SLCO3A1: variants seen among roughly 807,000 people sequenced by gnomAD.
SLCO3A1 encodes the protein PGE1 transporter.
Under a neutral mutation model 63.1 loss-of-function variants are expected in SLCO3A1, and 27 were observed. That is an observed-to-expected ratio of 0.43 (90% CI 0.32 to 0.59). The LOEUF (loss-of-function observed/expected upper bound fraction) is 0.59. Among genes scored for constraint, SLCO3A1 ranks in the 20% least tolerant of loss-of-function variants. The pLI, the probability that SLCO3A1 is intolerant of heterozygous loss-of-function variation, is 0.09. For synonymous variants in SLCO3A1, 473 were observed against 409.9 expected (o/e 1.15, Z -1.86); for missense variants, 773 against 945.8 (o/e 0.82, Z 2.40).
chr15:92,070,775 T>C (rs1054762651), intron 2 of SLCO3A1, among the ~76,000 whole-genome samples: 1 of 152,034 alleles, frequency 6.6e-6, no homozygotes, highest in African/African-American at 2.4e-5. Flanking sequence ...TTGTGACTAG[T>C]GAGAGGTATC....
intron 9 of SLCO3A1, among the ~76,000 whole-genome samples, chr15:92,160,987 A>G (rs2048429930): frequency 6.6e-6 from 1 of 152,216 alleles, no homozygotes; most frequent in East Asian, 1.9e-4. Context: ...TTGCTGGGCT[A>G]TGGGTCTAGA....
chr15:92,141,128 A>G (rs1364982377), intron 7 of SLCO3A1, among the ~76,000 whole-genome samples: 1 of 152,122 alleles, frequency 6.6e-6, no homozygotes, highest in African/African-American at 2.4e-5. Flanking sequence ...CATTTTATTG[A>G]CAGTAAAGCT....
In SLCO3A1 at chr15:92,045,597, T is replaced by G. The variant is rs140209095; in HGVS notation, c.647-49284T>G. On this transcript the variant is annotated intron_variant, in intron 2 of 9. Coordinates refer to ENST00000318445, the MANE Select transcript of SLCO3A1 (RefSeq NM_013272.4). Reference sequence around the variant, plus strand: ...CCTTTCATACAGATGTGCAATTGATTTATTTAGTCAGTCTTCTACTCTAGG... The same window carrying G: ...CCTTTCATACAGATGTGCAATTGATGTATTTAGTCAGTCTTCTACTCTAGG... Among the ~76,000 whole-genome samples the G allele has an allele frequency of 5.2e-3, 790 of 152,218 alleles. 8 individuals are homozygous for G. Among genetic ancestry groups the G allele is most frequent in the African/African-American group, 0.018 (763 of 41,478 alleles).
chr15:91,916,373 G>A lies in SLCO3A1; in HGVS notation c.561G>A (p.Leu187=). The part of the protein sequence containing the change: ...YLLLIGAQVL[L]GIGATPVQPL... Reference sequence around the variant, plus strand: ...TGCTCATTGGGGCCCAGGTGCTCCTGGGCATCGGTGCTACCCCTGTGCAGC... The same window carrying A: ...TGCTCATTGGGGCCCAGGTGCTCCTAGGCATCGGTGCTACCCCTGTGCAGC... Residue 187 remains leucine, a synonymous_variant, in exon 2 of 10, where the codon CTG becomes CTA. Transcript: ENST00000318445. This position sits in a 1 kb window ranked among gnomAD's most constrained non-coding sequence, Gnocchi z 6.2. 5.6e-6 allele frequency: 9 copies of A among 1,612,792 alleles called. No homozygotes were observed. Among genetic ancestry groups the A allele is most frequent in the Non-Finnish European group, 7.6e-6 (9 of 1,179,700 alleles).
chr15:92,086,326 T>G (rs1281292055), intron 2 of SLCO3A1, among the ~76,000 whole-genome samples: 2 of 152,210 alleles, frequency 1.3e-5, no homozygotes, highest in African/African-American at 4.8e-5. Flanking sequence ...ACACTCGTAT[T>G]TAATTGGGGT....
At chr15:91,901,734 T>C (rs1898162407) in intron 1 of SLCO3A1, among the ~76,000 whole-genome samples, 1 of 152,206 alleles carries the variant, frequency 6.6e-6, no homozygotes, top group African/African-American at 2.4e-5. Context: ...GTTGCCATCT[T>C]TTCTTGCTGC....
intron 5 of SLCO3A1, 30 bp downstream of exon 5, chr15:92,120,659 G>A (rs2047852589): frequency 6.2e-7 from 1 of 1,605,122 alleles, no homozygotes; most frequent in East Asian, 2.2e-5. Flanking sequence ...TCCTGAGAGG[G>A]TCGGGGGAGG....
At chr15:91,984,993 G>A (rs1396353595) in intron 2 of SLCO3A1, among the ~76,000 whole-genome samples, 9 of 152,024 alleles carry the variant, frequency 5.9e-5, no homozygotes, top group African/African-American at 1.9e-4. Context: ...AAGCACATAA[G>A]TGCTTCATCT....
chr15:92,067,590 T>A lies in SLCO3A1; in HGVS notation c.647-27291T>A, dbSNP rs564554691. ...AAGCCATTAACCTGGTGTCAAGTGT[T>A]ATCAATTGGGTCATTAAATAAGACT... is the stretch of plus-strand genomic sequence containing the variant. On this transcript the variant is annotated intron_variant, in intron 2 of 9. Transcript: ENST00000318445. 3.9e-5 allele frequency among the ~76,000 whole-genome samples: 6 copies of A among 152,350 alleles called. No homozygotes were observed. The South Asian group carries it at 1.2e-3, about 32-fold the overall frequency.
intron 1 of SLCO3A1, among the ~76,000 whole-genome samples, chr15:91,909,639 A>G (rs537338674): frequency 1.1e-3 from 163 of 152,308 alleles, no homozygotes; most frequent in African/African-American, 3.8e-3. Context: ...CACATCTGCC[A>G]CTACTCAGCA....
chr15:92,029,043 C>T (rs1274703239), intron 2 of SLCO3A1, among the ~76,000 whole-genome samples: 1 of 151,958 alleles, frequency 6.6e-6, no homozygotes, highest in Admixed American at 6.5e-5. Context: ...AGAGGACATA[C>T]ATTTAAGTAA....
chr15:91,916,271 C>A lies in SLCO3A1; in HGVS notation c.459C>A (p.Asn153Lys). The A allele has an allele frequency of 6.5e-7, 1 of 1,548,984 alleles. No homozygotes were observed. Among genetic ancestry groups the A allele is most frequent in the Non-Finnish European group, 8.7e-7 (1 of 1,149,894 alleles). Residue 153 changes from asparagine (N) to lysine (K), a missense_variant, in exon 2 of 10, where the codon AAC becomes AAA. By Grantham distance (94) the Asn-to-Lys change is moderately conservative (BLOSUM62 0). Coordinates refer to ENST00000318445, the MANE Select transcript of SLCO3A1 (RefSeq NM_013272.4). This position sits in a 1 kb window ranked among gnomAD's most constrained non-coding sequence, Gnocchi z 6.2. ...GAEGRDVCAA[N>K]GSGGDEGPDP... ...AGGGCCGCGACGTCTGCGCAGCCAACGGCTCGGGCGGCGACGAGGGGCCCG... is the reference window on the plus strand; with the variant it reads ...AGGGCCGCGACGTCTGCGCAGCCAAAGGCTCGGGCGGCGACGAGGGGCCCG...
intron 2 of SLCO3A1, among the ~76,000 whole-genome samples, chr15:91,935,286 T>C (rs552774846): frequency 6.6e-6 from 1 of 152,260 alleles, no homozygotes; most frequent in East Asian, 1.9e-4. Flanking sequence ...ATAGTAAGGG[T>C]TCAATGGTGA....
intron 1 of SLCO3A1, among the ~76,000 whole-genome samples, chr15:91,874,481 G>T (rs1293857180): frequency 1.3e-5 from 2 of 152,116 alleles, no homozygotes; most frequent in African/African-American, 4.8e-5. Context: ...CTACCCTAGG[G>T]CCTCATATAC....
intron 4 of SLCO3A1, among the ~76,000 whole-genome samples, chr15:92,119,105 T>G (rs1596117605): frequency 9.0e-6 from 1 of 110,754 alleles, no homozygotes. Context: ...ATGACAGGGT[T>G]GTCCTGGTGC....
rs1342414286 is a variant in SLCO3A1, at chr15:91,943,238, TC to T, written c.646+26785del. 7.2e-5 allele frequency among the ~76,000 whole-genome samples: 11 copies of T among 152,002 alleles called. No individual in the cohort carries two copies. The South Asian group carries it at 2.3e-3, about 32-fold the overall frequency. ...CTGCACTCATTAAACAACTCCCCAT[TC>T]CCCCTCCCCTCAGCCCTTGGCAACC... On this transcript the variant is annotated intron_variant, in intron 2 of 9. Coordinates refer to ENST00000318445, the MANE Select transcript of SLCO3A1 (RefSeq NM_013272.4).
At chr15:92,084,197 A>C (rs1282431691) in intron 2 of SLCO3A1, among the ~76,000 whole-genome samples, 1 of 152,162 alleles carries the variant, frequency 6.6e-6, no homozygotes, top group African/African-American at 2.4e-5. Flanking sequence ...AATCCTTTAC[A>C]TGATCCTGTA....
intron 2 of SLCO3A1, among the ~76,000 whole-genome samples, chr15:91,947,781 A>T (rs1440787382): frequency 6.6e-6 from 1 of 152,170 alleles, no homozygotes; most frequent in African/African-American, 2.4e-5. Context: ...TTGCCCTCCC[A>T]GACTGCTTTC....
chr15:91,991,156 G>A (rs979962994), intron 2 of SLCO3A1, among the ~76,000 whole-genome samples: 1 of 152,232 alleles, frequency 6.6e-6, no homozygotes, highest in Non-Finnish European at 1.5e-5. Context: ...GATTGTTTGA[G>A]CCCAGAAGTT....
Sources: gnomAD v4.1 joint callset for allele counts (sites outside exome capture counted in the v4.1 genomes callset) on GRCh38, gnomAD v4.1.1 for gene constraint, Gnocchi (gnomAD v3.1) non-coding constraint, MANE v1.5 for transcripts, NCBI Gene and HGNC (gene_info 2026-07-23, HGNC 2026-07-21) for gene names.